The following CCT6B variants were observed in gnomAD, a reference collection of about 807,000 sequenced individuals.
The protein encoded by CCT6B is chaperonin containing TCP1 subunit 6B, also known as probable T-complex protein 1 subunit zeta-2.
In CCT6B, 49 loss-of-function variants were observed where a neutral mutation model predicts 61.5. The ratio of observed to expected loss-of-function variants is 0.80; its 90% CI spans 0.63 to 1.01. The LOEUF (loss-of-function observed/expected upper bound fraction) is 1.01, where lower values mean the gene tolerates loss of function less well. Among genes scored for constraint, CCT6B ranks in the 50% least tolerant of loss-of-function variants. CCT6B has a pLI of 0.00. For synonymous variants in CCT6B, 228 were observed against 214.5 expected (o/e 1.06, Z -0.55); for missense variants, 666 against 634.7 (o/e 1.05, Z -0.53).
intron 5 of CCT6B, among the ~76,000 whole-genome samples, chr17:34,948,735 A>C (rs2090254546): frequency 6.7e-6 from 1 of 150,106 alleles, no homozygotes; most frequent in Non-Finnish European, 1.5e-5. Flanking sequence ...AAAAAACAAA[A>C]CAAAACTGGA....
intron 3 of CCT6B, among the ~76,000 whole-genome samples, chr17:34,956,961 C>A (rs2090353988): frequency 6.6e-6 from 1 of 151,496 alleles, no homozygotes; most frequent in Non-Finnish European, 1.5e-5. Context: ...ATGCAGCATG[C>A]CACCAAGCCT....
intron 10 of CCT6B, among the ~76,000 whole-genome samples, chr17:34,932,816 C>A (rs1459473435): frequency 1.3e-5 from 2 of 152,096 alleles, no homozygotes; most frequent in Admixed American, 1.3e-4. Context: ...GAGTTTTACT[C>A]CATCACCCAG....
chr17:34,960,137 C>T lies in CCT6B; in HGVS notation c.138-487G>A, dbSNP rs189469861. 8.5e-5 allele frequency among the ~76,000 whole-genome samples: 13 copies of T among 152,312 alleles called. No individual in the cohort carries two copies. The East Asian group carries it at 2.5e-3, about 29-fold the overall frequency. On this transcript the variant is annotated intron_variant, in intron 1 of 13. Transcript: ENST00000314144. ...TACTTTGGATGGCATCCGGATATCT[C>T]CAAACTTAAATATACCCTCCACACA...
intron 5 of CCT6B, among the ~76,000 whole-genome samples, chr17:34,944,898 C>A (rs1257201803): frequency 1.3e-5 from 2 of 152,224 alleles, no homozygotes; most frequent in African/African-American, 4.8e-5. Context: ...TGGACTCCAG[C>A]CTGGGCGACA....
Position 34,939,667 on chromosome 17 carries a change from G to T in CCT6B, c.1015C>A (p.Leu339Ile). ...GCATGTCCCAAGCAATCTACAGTGA[G>T]ATCTTCAAAAGAATTCACGGCCATT... ...GGMAVNSFED[L>I]TVDCLGHAGL... is the part of the protein sequence containing the mutation. Residue 339 changes from leucine (L) to isoleucine (I), a missense_variant, in exon 9 of 14, where the codon CTC becomes ATC. Coordinates refer to ENST00000314144, the MANE Select transcript of CCT6B (RefSeq NM_006584.4). 1 of 1,613,422 alleles carries T rather than the reference G, an allele frequency of 6.2e-7. No homozygotes were observed. The highest frequency in any genetic ancestry group is 8.5e-7 in the Non-Finnish European group (1 of 1,179,442).
intron 8 of CCT6B, 59 bp from the exon 9 acceptor site, chr17:34,939,772 C>T (rs2142149421): frequency 9.5e-7 from 1 of 1,052,056 alleles, no homozygotes; most frequent in South Asian, 1.3e-5. Context: ...ACTAATTTCT[C>T]AGAGAGAAGA....
rs1248009975 is a variant in CCT6B at position 34,959,618 on chromosome 17, G to A, written c.170C>T (p.Thr57Ile). 6.2e-7 allele frequency: 1 copy of A among 1,613,136 alleles called. No individual in the cohort carries two copies. Among genetic ancestry groups the A allele is most frequent in the African/African-American group, 1.3e-5 (1 of 74,870 alleles). Residue 57 changes from threonine (T) to isoleucine (I), a missense_variant, in exon 2 of 14, where the codon ACC (threonine) becomes ATC (isoleucine). Transcript: ENST00000314144. Reference sequence around the variant, plus strand: ...ATCGAGCAGCACATTGCCATCTTTGGTGAGTTTGATGTCACCTGCACCAGA... The same window carrying A: ...ATCGAGCAGCACATTGCCATCTTTGATGAGTTTGATGTCACCTGCACCAGA... ...LVSGAGDIKLTKDGNVLLDEM... is the reference protein window; with the variant it reads ...LVSGAGDIKLIKDGNVLLDEM...
intron 10 of CCT6B, among the ~76,000 whole-genome samples, chr17:34,933,934 G>A (rs978533154): frequency 1.3e-5 from 2 of 151,882 alleles, no homozygotes; most frequent in African/African-American, 4.8e-5. Flanking sequence ...TTCAAGACCA[G>A]CCTGGGCAAC....
chr17:34,928,989 C>T lies in CCT6B; in HGVS notation c.1496G>A (p.Cys499Tyr), dbSNP rs754246172. The T allele has an allele frequency of 1.2e-6, 2 of 1,607,386 alleles. No individual in the cohort carries two copies. Among genetic ancestry groups the T allele is most frequent in the Non-Finnish European group, 1.7e-6 (2 of 1,175,150 alleles). The change falls in exon 13 of 14, where the codon TGT becomes TAT. Residue 499 changes from cysteine (C) to tyrosine (Y), a missense_variant. By Grantham distance (194) the Cys-to-Tyr change is radical (BLOSUM62 -2). Transcript: ENST00000314144. ...AADAGVWDNYCVKKQLLHSCT... is the reference protein window; with the variant it reads ...AADAGVWDNYYVKKQLLHSCT... ...AGAGTGAAGAAGTTGTTTTTTTACA[C>T]AATAATTATCCCAAACTCCTGCATC...
chr17:34,942,256 C>T (rs1284996784), intron 7 of CCT6B, among the ~76,000 whole-genome samples: 2 of 151,394 alleles, frequency 1.3e-5, no homozygotes, highest in African/African-American at 4.9e-5. Flanking sequence ...TAGTTTGGTG[C>T]TACTTCTTTG....
intron 7 of CCT6B, 145 bp from the exon 8 acceptor site, chr17:34,940,766 G>A: frequency 2.7e-6 from 1 of 375,984 alleles, no homozygotes. Flanking sequence ...TATAATATTT[G>A]TATTATAAAA....
chr17:34,931,022 T>A lies in CCT6B; in HGVS notation c.1377A>T (p.Pro459=). The change falls in exon 12 of 14, where the codon CCA becomes CCT. Residue 459 remains proline, a synonymous_variant. Coordinates refer to ENST00000314144, the MANE Select transcript of CCT6B (RefSeq NM_006584.4). ...KVLAQNAGYD[P]QETLVKVQAE... ...CCTGAACTTTTACTAATGTTTCCTG[T>A]GGGTCATAACCAGCATTCTGAGCAA... is the stretch of plus-strand genomic sequence containing the variant. 2 of 1,597,676 alleles carry A rather than the reference T, an allele frequency of 1.3e-6. No homozygotes were observed. The highest frequency in any genetic ancestry group is 1.7e-6 in the Non-Finnish European group (2 of 1,168,700).
At chr17:34,949,142 A>G (rs1385227004) in intron 5 of CCT6B, among the ~76,000 whole-genome samples, 1 of 151,840 alleles carries the variant, frequency 6.6e-6, no homozygotes, top group Admixed American at 6.6e-5. Context: ...CATAGAAAAG[A>G]AAAGGAGAAA....
intron 5 of CCT6B, among the ~76,000 whole-genome samples, chr17:34,946,362 A>G (rs1308939255): frequency 6.6e-6 from 1 of 152,180 alleles, no homozygotes; most frequent in East Asian, 1.9e-4. Context: ...ACAAGTCAAA[A>G]CTTTAGATAT....
At chr17:34,959,348 C>T (rs1481190250) in intron 2 of CCT6B, among the ~76,000 whole-genome samples, 1 of 136,000 alleles carries the variant, frequency 7.4e-6, no homozygotes, top group East Asian at 2.1e-4. Context: ...CCAGCCTGGT[C>T]TTGAACTCCT....
At chr17:34,961,200 C>T (rs370811445) in intron 1 of CCT6B, 57 bp downstream of exon 1, 7 of 1,545,192 alleles carry the variant, frequency 4.5e-6, no homozygotes, top group South Asian at 2.5e-5. Context: ...CCTCAGAGGG[C>T]GACAGGACAC....
At position 34,939,657 on chromosome 17, in the gene CCT6B, T is replaced by G; in HGVS notation, c.1025A>C (p.Asp342Ala). 6.2e-7 allele frequency: 1 copy of G among 1,613,392 alleles called. No individual in the cohort carries two copies. Among genetic ancestry groups the G allele is most frequent in the South Asian group, 1.1e-5 (1 of 91,068 alleles). Reference sequence around the variant, plus strand: ...CACAAGACCAGCATGTCCCAAGCAATCTACAGTGAGATCTTCAAAAGAATT... The same window carrying G: ...CACAAGACCAGCATGTCCCAAGCAAGCTACAGTGAGATCTTCAAAAGAATT... ...AVNSFEDLTV[D>A]CLGHAGLVYE... The change falls in exon 9 of 14, where the codon GAT becomes GCT. Residue 342 changes from aspartate (D) to alanine (A), a missense_variant. Transcript: ENST00000314144.
chr17:34,957,587 T>C (rs959910385), intron 3 of CCT6B, among the ~76,000 whole-genome samples: 1 of 152,220 alleles, frequency 6.6e-6, no homozygotes, highest in Admixed American at 6.5e-5. Context: ...TTTTCTATTA[T>C]GGGAGATAAT....
At chr17:34,959,557 G>A in intron 2 of CCT6B, 30 bp downstream of exon 2, 4 of 1,543,766 alleles carry the variant, frequency 2.6e-6, no homozygotes, top group Non-Finnish European at 3.6e-6. Context: ...GGCTTATTAA[G>A]GTTTATTAAA....
Sources: gnomAD v4.1 joint callset for allele counts (sites outside exome capture counted in the v4.1 genomes callset) on GRCh38, gnomAD v4.1.1 for gene constraint, MANE v1.5 for transcripts, NCBI Gene and HGNC (gene_info 2026-07-23, HGNC 2026-07-21) for gene names.